The following ACTR3C variants were observed in gnomAD, a reference collection of about 807,000 sequenced individuals.
The protein encoded by ACTR3C is actin related protein 3C.
In ACTR3C, 18 loss-of-function variants were observed where a neutral mutation model predicts 26.3. That is an observed-to-expected ratio of 0.68 (90% confidence interval 0.47 to 1.01). The LOEUF is 1.01. Ranked by LOEUF, ACTR3C falls within the 50% of genes least tolerant of loss-of-function variation. The pLI is 0.00. For synonymous variants in ACTR3C, 55 were observed against 94.5 expected (o/e 0.58, Z 2.42); for missense variants, 184 against 250.7 (o/e 0.73, Z 1.80).
At chr7:150,294,527 G>A (rs1034529906) in intron 2 of ACTR3C, among the ~76,000 whole-genome samples, 6 of 152,310 alleles carry the variant, frequency 3.9e-5, no homozygotes, top group Middle Eastern at 3.4e-3. Context: ...AATGAATTTG[G>A]AAGTGCTAGA....
chr7:150,206,239 T>G, the ACTR3C span, among the ~76,000 whole-genome samples: 1 of 152,152 alleles, frequency 6.6e-6, no homozygotes. Flanking sequence ...AAATTCTCAT[T>G]GTAATCTCTA....
the ACTR3C span, among the ~76,000 whole-genome samples, chr7:149,916,669 G>GT: frequency 2.9e-4 from 4 of 13,770 alleles, no homozygotes; most frequent in Non-Finnish European, 0.011. Context: ...AAAAGCCCTT[G>GT]GTTTTTTTAA....
At chr7:150,301,901 G>A (rs947319247) in intron 1 of ACTR3C, among the ~76,000 whole-genome samples, 26 of 152,134 alleles carry the variant, frequency 1.7e-4, no homozygotes, top group African/African-American at 5.8e-4. Flanking sequence ...AATGGGGACA[G>A]AGTTTTAGTT....
At chr7:150,012,471 T>A in the ACTR3C span, among the ~76,000 whole-genome samples, 1 of 151,150 alleles carries the variant, frequency 6.6e-6, no homozygotes, top group African/African-American at 2.4e-5. Flanking sequence ...CCCACCACCA[T>A]GCCCGGCTAA....
the ACTR3C span, among the ~76,000 whole-genome samples, chr7:150,208,871 G>C: frequency 6.6e-6 from 1 of 152,110 alleles, no homozygotes; most frequent in East Asian, 1.9e-4. Context: ...ATTAGTGGAG[G>C]TGGACATTAA....
At chr7:150,314,638 T>C (rs1796655052) in intron 1 of ACTR3C, among the ~76,000 whole-genome samples, 1 of 152,104 alleles carries the variant, frequency 6.6e-6, no homozygotes, top group Non-Finnish European at 1.5e-5. Flanking sequence ...TAAAATATTT[T>C]ATTATTTAAA....
intron 6 of ACTR3C, among the ~76,000 whole-genome samples, chr7:150,280,291 C>G (rs545412806): frequency 3.3e-5 from 5 of 152,162 alleles, no homozygotes; most frequent in Non-Finnish European, 7.3e-5. Flanking sequence ...TGCTCTCACA[C>G]GGAGGCTTCC....
At chr7:150,107,018 C>T in the ACTR3C span, among the ~76,000 whole-genome samples, 1 of 144,590 alleles carries the variant, frequency 6.9e-6, no homozygotes, top group African/African-American at 2.7e-5. Context: ...AGAACTCACA[C>T]CCATTATGAT....
chr7:150,190,940 A>G, the ACTR3C span, among the ~76,000 whole-genome samples: 1,806 of 152,140 alleles, frequency 0.012, 35 homozygotes, highest in African/African-American at 0.042. Flanking sequence ...CCTCAGGAGG[A>G]CTCATTCACT....
At chr7:150,042,097 G>T in the ACTR3C span, among the ~76,000 whole-genome samples, 2 of 90,322 alleles carry the variant, frequency 2.2e-5, no homozygotes, top group Non-Finnish European at 4.7e-5. Flanking sequence ...CCTGCCTCGC[G>T]GGGGGTGCCT....
At chr7:150,241,873 A>G (rs1832196218), downstream of ACTR3C, among the ~76,000 whole-genome samples, 1 of 152,200 alleles carries the variant, frequency 6.6e-6, no homozygotes, top group Non-Finnish European at 1.5e-5. Flanking sequence ...ACATAAGACA[A>G]TGATCAACAT....
the ACTR3C span, among the ~76,000 whole-genome samples, chr7:149,914,765 G>T: frequency 4.0e-5 from 6 of 151,740 alleles, no homozygotes; most frequent in African/African-American, 1.5e-4. Context: ...AAGCCAAGGA[G>T]ATCTACTATC....
the ACTR3C span, among the ~76,000 whole-genome samples, chr7:150,102,753 T>C: frequency 8.1e-4 from 123 of 151,028 alleles, 1 homozygote; most frequent in African/African-American, 2.8e-3. Context: ...AAATCAACAC[T>C]CCTCATCACT....
chr7:150,241,000 G>A (rs1468335461), downstream of ACTR3C, among the ~76,000 whole-genome samples: 2 of 152,040 alleles, frequency 1.3e-5, no homozygotes, highest in Non-Finnish European at 2.9e-5. Context: ...TAAAAGTTGT[G>A]CAAATCTGCT....
chr7:150,127,656 G>A, the ACTR3C span, among the ~76,000 whole-genome samples: 1,348 of 152,184 alleles, frequency 8.9e-3, 21 homozygotes, highest in African/African-American at 0.028. Flanking sequence ...AAACATATCC[G>A]TTTTATTGTA....
intron 1 of ACTR3C, among the ~76,000 whole-genome samples, chr7:150,310,808 A>C (rs1406018468): frequency 6.6e-6 from 1 of 152,118 alleles, no homozygotes; most frequent in African/African-American, 2.4e-5. Context: ...TATGTTGATG[A>C]ACTTCTTCTT....
At chr7:150,022,758 T>C in the ACTR3C span, among the ~76,000 whole-genome samples, 1 of 152,168 alleles carries the variant, frequency 6.6e-6, no homozygotes, top group Non-Finnish European at 1.5e-5. Flanking sequence ...ACAGCCCAGC[T>C]GGTAACAAGA....
rs1834676541 is a variant in ACTR3C, at chr7:150,274,251, A to G, written c.564+10502T>C. Among the ~76,000 whole-genome samples the G allele has an allele frequency of 6.6e-6, 1 of 152,138 alleles. No individual in the cohort carries two copies. The highest frequency in any genetic ancestry group is 6.5e-5 in the Admixed American group (1 of 15,280). ...TTCGCCCATAATGTGTTTGTTACCA[A>G]CTGAAGGTTTGAGGAAACGGCACCA... is the stretch of plus-strand genomic sequence containing the variant. On this transcript the variant is annotated intron_variant, in intron 6 of 7. Transcript: ENST00000683684. The surrounding 1 kb of genome is among the most constrained non-coding windows in gnomAD (Gnocchi z 4.1).
the ACTR3C span, among the ~76,000 whole-genome samples, chr7:149,959,290 CCACAGACCCTTGG>C: frequency 6.6e-6 from 1 of 151,058 alleles, no homozygotes; most frequent in Admixed American, 6.6e-5. Context: ...GTCAGAGGCA[CCACAGACCCTTGG>C]CACAGAACCT....
Sources: allele counts gnomAD v4.1 joint callset (sites outside exome capture counted in the v4.1 genomes callset), GRCh38; gene constraint gnomAD v4.1.1; non-coding constraint Gnocchi (gnomAD v3.1); transcripts MANE v1.5; gene names NCBI Gene and HGNC (gene_info 2026-07-23, HGNC 2026-07-21).